PLCB4: variants seen among roughly 807,000 people sequenced by gnomAD.
The protein encoded by PLCB4 is phospholipase C beta 4, also known as 1-phosphatidylinositol 4,5-bisphosphate phosphodiesterase beta-4.
PLCB4 carries 77 observed loss-of-function variants against 178.8 expected under a neutral mutation model. That is an observed-to-expected ratio of 0.43 (90% CI 0.36 to 0.52). The LOEUF is 0.52. PLCB4 is among the 20% of genes least tolerant of loss of function. PLCB4 has a pLI of 0.00. For synonymous variants in PLCB4, 496 were observed against 490.8 expected, an observed-to-expected ratio of 1.01 and a Z score of -0.14; for missense variants, 1,024 against 1,453.4, an observed-to-expected ratio of 0.70 and a Z score of 4.80.
intron 7 of PLCB4, among the ~76,000 whole-genome samples, chr20:9,356,128 A>C (rs1213330140): frequency 1.3e-5 from 2 of 152,120 alleles, no homozygotes. Context: ...TCCTTTGCCC[A>C]CTTTTTGATG....
intron 32 of PLCB4, among the ~76,000 whole-genome samples, chr20:9,452,637 C>A (rs1004922043): frequency 3.3e-5 from 5 of 152,124 alleles, no homozygotes; most frequent in African/African-American, 1.2e-4. Context: ...TATTGAAATA[C>A]CTACTTTCCA....
At chr20:9,405,469 G>C in intron 21 of PLCB4, 121 bp downstream of exon 21, 1 of 574,958 alleles carries the variant, frequency 1.7e-6, no homozygotes, top group East Asian at 3.1e-5. Flanking sequence ...ACAAAACTAG[G>C]GCAGATGAGT....
chr20:9,432,566 G>A (rs6077537), intron 28 of PLCB4, among the ~76,000 whole-genome samples: 36,694 of 152,102 alleles, frequency 0.24, 5,415 homozygotes, highest in African/African-American at 0.4. Flanking sequence ...GGGCAGAAAA[G>A]TTTAATGGAT....
chr20:9,437,142 A>C lies in PLCB4; in HGVS notation c.2754A>C (p.Glu918Asp), dbSNP rs986550672. The C allele has an allele frequency of 1.9e-6, 3 of 1,613,816 alleles. No individual in the cohort carries two copies. Among genetic ancestry groups the C allele is most frequent in the Non-Finnish European group, 2.5e-6 (3 of 1,179,900 alleles). Residue 918 changes from glutamate (E) to aspartate (D), a missense_variant, in exon 30 of 40, where the codon GAA (glutamate) becomes GAC (aspartate). Glu to Asp is a conservative substitution (Grantham distance 45). Transcript: ENST00000378473. The part of the protein sequence containing the change: ...TTTAALASGV[E>D]AKKGIELIPQ... ...CGGCTGCCCTGGCCTCTGGTGTGGAAGCCAAGAAAGGTGAGAGAGAGCCGT... is the reference window on the plus strand; with the variant it reads ...CGGCTGCCCTGGCCTCTGGTGTGGACGCCAAGAAAGGTGAGAGAGAGCCGT...
chr20:9,138,491 A>C (rs1260562496), intron 2 of PLCB4, among the ~76,000 whole-genome samples: 1 of 152,098 alleles, frequency 6.6e-6, no homozygotes, highest in Non-Finnish European at 1.5e-5. Context: ...ATCTCAAAAC[A>C]GGGAGAAGAC....
intron 2 of PLCB4, among the ~76,000 whole-genome samples, chr20:9,099,200 A>G (rs2091046414): frequency 6.6e-6 from 1 of 152,142 alleles, no homozygotes; most frequent in Admixed American, 6.6e-5. Context: ...GTTGCTCTAG[A>G]ACATGGGGAA....
At chr20:9,448,004 A>G (rs1883492) in intron 32 of PLCB4, among the ~76,000 whole-genome samples, 1,579 of 152,332 alleles carry the variant, frequency 0.01, 72 homozygotes, top group East Asian at 0.082. Context: ...TCTTATGCCT[A>G]TCTGACACTT....
chr20:9,342,607 A>G (rs1156742496), intron 7 of PLCB4, among the ~76,000 whole-genome samples: 1 of 151,598 alleles, frequency 6.6e-6, no homozygotes, highest in Non-Finnish European at 1.5e-5. Flanking sequence ...TGTTAGGGAC[A>G]AGCCTTTTCA....
At chr20:9,428,976 A>T (rs1405291523) in intron 28 of PLCB4, among the ~76,000 whole-genome samples, 1 of 152,220 alleles carries the variant, frequency 6.6e-6, no homozygotes, top group East Asian at 1.9e-4. Flanking sequence ...GTCAGGAAGC[A>T]TGGCAGGGAG....
chr20:9,132,685 C>T (rs189020315), intron 2 of PLCB4, among the ~76,000 whole-genome samples: 37 of 152,218 alleles, frequency 2.4e-4, no homozygotes, highest in South Asian at 4.2e-4. Context: ...TTGGATTTAT[C>T]GTTTGCGATG....
chr20:9,476,776 C>A, intron 39 of PLCB4, 23 bp downstream of exon 39: 1 of 1,562,104 alleles, frequency 6.4e-7, no homozygotes, highest in Non-Finnish European at 8.8e-7. Flanking sequence ...CTCTGATAAG[C>A]AAGACGTTGC....
At chr20:9,197,895 A>C (rs1487588441) in intron 2 of PLCB4, among the ~76,000 whole-genome samples, 2 of 152,228 alleles carry the variant, frequency 1.3e-5, no homozygotes, top group Non-Finnish European at 2.9e-5. Flanking sequence ...GAATTGCTGG[A>C]ACCTGGGAGG....
At chr20:9,301,637 T>C (rs76061406) in intron 3 of PLCB4, among the ~76,000 whole-genome samples, 1 of 152,154 alleles carries the variant, frequency 6.6e-6, no homozygotes, top group African/African-American at 2.4e-5. Flanking sequence ...TTATGGGTAA[T>C]GCACATGTCC....
At chr20:9,399,266 G>A (rs1371779447) in intron 19 of PLCB4, among the ~76,000 whole-genome samples, 1 of 152,160 alleles carries the variant, frequency 6.6e-6, no homozygotes, top group Non-Finnish European at 1.5e-5. Context: ...ACGTAGGAAA[G>A]TACCTAAGGA....
rs768114164 is a variant in PLCB4, at chr20:9,435,540, TG to T, written c.2525-17del. The T allele has an allele frequency of 1.4e-6, 2 of 1,410,484 alleles. No individual in the cohort carries two copies. Among genetic ancestry groups the T allele is most frequent in the African/African-American group, 2.8e-5 (2 of 70,328 alleles). The allele number at this position is 1,410,484 out of a possible 1,614,324, so 87.4% of individuals were successfully genotyped here. ...GTAAAACAGAGAATTAACGGCTCATTGGGTTTTTTTTTCCCCTAGATATCGT... is the reference window on the plus strand; with the variant it reads ...GTAAAACAGAGAATTAACGGCTCATTGGTTTTTTTTTCCCCTAGATATCGT... On this transcript the variant is annotated intron_variant, in intron 28 of 39. Coordinates refer to ENST00000378473, the MANE Select transcript of PLCB4 (RefSeq NM_001377142.1).
intron 39 of PLCB4, among the ~76,000 whole-genome samples, chr20:9,476,969 C>T (rs1696619955): frequency 1.3e-5 from 2 of 152,084 alleles, no homozygotes; most frequent in African/African-American, 4.8e-5. Flanking sequence ...GGTATTTGAA[C>T]CTGTATTTTC....
In PLCB4 at chr20:9,460,630, G is replaced by A. The variant is rs147505431; in HGVS notation, c.3248+820G>A. ...TTGTTACATCTTTTTATCATAGCTC[G>A]GTTGCAGCTTGCTTGGTTCTCACTT... On this transcript the variant is annotated intron_variant, in intron 35 of 39. Transcript: ENST00000378473. 2.5e-3 allele frequency among the ~76,000 whole-genome samples: 383 copies of A among 152,288 alleles called. 4 individuals carry two copies. The highest frequency in any genetic ancestry group is 9.0e-3 in the African/African-American group (375 of 41,552).
chr20:9,073,729 C>T (rs1237013053), intron 1 of PLCB4, among the ~76,000 whole-genome samples: 1 of 151,704 alleles, frequency 6.6e-6, no homozygotes, highest in Non-Finnish European at 1.5e-5. Flanking sequence ...CAAAAAATAC[C>T]AATAAAAAAA....
intron 33 of PLCB4, among the ~76,000 whole-genome samples, chr20:9,456,684 C>T (rs1002805994): frequency 2.6e-5 from 4 of 152,142 alleles, no homozygotes; most frequent in Admixed American, 2.6e-4. Flanking sequence ...TCAGTGCCAG[C>T]CATTGAGAAG....
Sources: gnomAD v4.1 joint callset for allele counts (sites outside exome capture counted in the v4.1 genomes callset) on GRCh38, gnomAD v4.1.1 for gene constraint, MANE v1.5 for transcripts, NCBI Gene and HGNC (gene_info 2026-07-23, HGNC 2026-07-21) for gene names.